Variants in APBB2 observed in about 807,000 individuals in gnomAD.
APBB2 encodes Fe65-like 1.
In APBB2, 38 loss-of-function variants were observed where a neutral mutation model predicts 82.5. That is an observed-to-expected ratio of 0.46 (90% CI 0.36 to 0.60). APBB2 has a LOEUF of 0.60. Among genes scored for constraint, APBB2 ranks in the 20% least tolerant of loss-of-function variants. APBB2 has a pLI of 0.00. For missense variants in APBB2, 772 were observed against 972.3 expected, an observed-to-expected ratio of 0.79 and a Z score of 2.74; for synonymous variants, 341 against 368.2, an observed-to-expected ratio of 0.93 and a Z score of 0.85.
chr4:40,826,139 T>A lies in APBB2; in HGVS notation c.1733-169A>T. On this transcript the variant is annotated intron_variant, in intron 14 of 17. Transcript: ENST00000508593. This position sits in a 1 kb window ranked among gnomAD's most constrained non-coding sequence, Gnocchi z 4.5. ...TCTACAAGAGCAGCATTACTCCAGATATTGGGGCTCTGTTAAAATCCTGTT... is the reference window on the plus strand; with the variant it reads ...TCTACAAGAGCAGCATTACTCCAGAAATTGGGGCTCTGTTAAAATCCTGTT... The A allele has an allele frequency of 4.9e-6, 3 of 608,460 alleles. No individual in the cohort carries two copies. In the South Asian group the frequency reaches 5.7e-5, roughly 12 times the overall value. 37.7% of individuals were successfully genotyped at this position (608,460 alleles called of 1,614,324 possible). A position where few individuals can be genotyped will look rare whatever the true frequency, so the allele number is the denominator to read the frequency against.
At chr4:41,146,878 C>T (rs746883804) in intron 1 of APBB2, among the ~76,000 whole-genome samples, 2 of 152,298 alleles carry the variant, frequency 1.3e-5, no homozygotes, top group East Asian at 1.9e-4. Context: ...AGCCGCGGCC[C>T]GGGCTGATGT....
intron 6 of APBB2, among the ~76,000 whole-genome samples, chr4:40,970,415 C>T (rs969280358): frequency 6.6e-6 from 1 of 152,158 alleles, no homozygotes; most frequent in Non-Finnish European, 1.5e-5. Context: ...TCAATTTCCT[C>T]ATTTTTTCCA....
intron 10 of APBB2, among the ~76,000 whole-genome samples, chr4:40,901,886 A>T (rs1160814221): frequency 6.7e-6 from 1 of 148,786 alleles, no homozygotes; most frequent in East Asian, 1.9e-4. Context: ...AGTTCTAAAC[A>T]CCCTGAAAAT....
intron 6 of APBB2, among the ~76,000 whole-genome samples, chr4:40,983,797 G>A (rs1049035739): frequency 3.9e-5 from 6 of 152,124 alleles, no homozygotes; most frequent in Non-Finnish European, 8.8e-5. Flanking sequence ...AGCTGGTCTC[G>A]AAATCCTGAA....
intron 10 of APBB2, among the ~76,000 whole-genome samples, chr4:40,898,887 C>A (rs1414051256): frequency 7.3e-6 from 1 of 137,760 alleles, no homozygotes; most frequent in African/African-American, 3.0e-5. Context: ...ACACAGAACA[C>A]TGGGCCCCTT....
At chr4:41,021,461 CA>C (rs1426404731) in intron 5 of APBB2, among the ~76,000 whole-genome samples, 1 of 152,060 alleles carries the variant, frequency 6.6e-6, no homozygotes, top group Non-Finnish European at 1.5e-5. Flanking sequence ...ATGCACCAAT[CA>C]GCACTCTGTG....
At chr4:40,906,449 G>C (rs1186678461) in intron 10 of APBB2, among the ~76,000 whole-genome samples, 1 of 110,016 alleles carries the variant, frequency 9.1e-6, no homozygotes, top group Non-Finnish European at 1.7e-5. Context: ...CTGGGTGACA[G>C]AGTGAAACCT....
intron 12 of APBB2, among the ~76,000 whole-genome samples, chr4:40,868,135 G>A (rs1417803908): frequency 1.3e-5 from 2 of 151,970 alleles, no homozygotes; most frequent in African/African-American, 2.4e-5. Flanking sequence ...TGGCATTACA[G>A]GGTGAGCCAC....
chr4:41,140,738 C>A (rs964100618), intron 2 of APBB2, among the ~76,000 whole-genome samples: 2 of 152,196 alleles, frequency 1.3e-5, no homozygotes, highest in African/African-American at 4.8e-5. Flanking sequence ...CCTGACAGAT[C>A]AGTGGCAGCA....
intron 3 of APBB2, 145 bp downstream of exon 3, chr4:41,100,494 A>G (rs1335079454): frequency 1.3e-5 from 2 of 152,102 alleles, no homozygotes; most frequent in African/African-American, 4.8e-5. Context: ...AGGTTTCCTG[A>G]GTCTCCTTCC....
At chr4:40,970,305 G>A (rs575591133) in intron 6 of APBB2, among the ~76,000 whole-genome samples, 75 of 152,222 alleles carry the variant, frequency 4.9e-4, no homozygotes, top group African/African-American at 1.7e-3. Context: ...TGACTTAAAC[G>A]TTTATGAACA....
At position 40,832,349 on chromosome 4, in the gene APBB2, G is replaced by A. The variant is rs1232050345; in HGVS notation, c.1530-1772C>T. On this transcript the variant is annotated intron_variant, in intron 12 of 17. Coordinates refer to ENST00000508593, the MANE Select transcript of APBB2 (RefSeq NM_004307.2). This position sits in a 1 kb window ranked among gnomAD's most constrained non-coding sequence, Gnocchi z 4.8. ...CATGCCCCAGGCAGCCCTGCAGTGGGGCTCCCTAAGCCCAGGCTCCAGCTC... is the reference window on the plus strand; with the variant it reads ...CATGCCCCAGGCAGCCCTGCAGTGGAGCTCCCTAAGCCCAGGCTCCAGCTC... 1.3e-5 allele frequency among the ~76,000 whole-genome samples: 2 copies of A among 152,078 alleles called. No individual in the cohort carries two copies. The highest frequency in any genetic ancestry group is 2.4e-5 in the African/African-American group (1 of 41,414).
chr4:40,960,443 TCG>T (rs1792808823), intron 6 of APBB2, among the ~76,000 whole-genome samples: 1 of 128,888 alleles, frequency 7.8e-6, no homozygotes, highest in Non-Finnish European at 1.7e-5. Flanking sequence ...AAATTTTTTT[TCG>T]GGTTTTTTTT....
intron 5 of APBB2, among the ~76,000 whole-genome samples, chr4:41,026,123 T>C (rs1714093810): frequency 6.6e-6 from 1 of 152,044 alleles, no homozygotes; most frequent in Non-Finnish European, 1.5e-5. Flanking sequence ...TTTTCTCTTA[T>C]AAGTGGGAGC....
intron 6 of APBB2, among the ~76,000 whole-genome samples, chr4:40,963,900 A>C (rs1369709069): frequency 6.6e-6 from 1 of 152,206 alleles, no homozygotes; most frequent in African/African-American, 2.4e-5. Context: ...TCTCTTTAGA[A>C]AATATTACAG....
At chr4:41,060,774 G>T (rs1729529337) in intron 4 of APBB2, among the ~76,000 whole-genome samples, 2 of 151,718 alleles carry the variant, frequency 1.3e-5, no homozygotes, top group South Asian at 4.2e-4. Flanking sequence ...ATTTTAGCGG[G>T]TTACCAAAAG....
intron 12 of APBB2, among the ~76,000 whole-genome samples, chr4:40,866,097 C>A (rs1343786734): frequency 1.3e-5 from 2 of 152,242 alleles, no homozygotes; most frequent in Non-Finnish European, 2.9e-5. Context: ...AGTGATCCCA[C>A]TCTTACGTAT....
At chr4:40,955,200 C>T (rs1791276360) in intron 6 of APBB2, among the ~76,000 whole-genome samples, 1 of 152,002 alleles carries the variant, frequency 6.6e-6, no homozygotes, top group Admixed American at 6.6e-5. Flanking sequence ...GTGAGGTCTC[C>T]CTAAAGTAGG....
At chr4:41,070,907 T>G (rs1275813277) in intron 3 of APBB2, among the ~76,000 whole-genome samples, 2 of 152,236 alleles carry the variant, frequency 1.3e-5, no homozygotes, top group African/African-American at 4.8e-5. Context: ...GGGAATATAT[T>G]TGCCAGTCTA....
Sources: allele counts gnomAD v4.1 joint callset (sites outside exome capture counted in the v4.1 genomes callset), GRCh38; gene constraint gnomAD v4.1.1; non-coding constraint Gnocchi (gnomAD v3.1); transcripts MANE v1.5; gene names NCBI Gene and HGNC (gene_info 2026-07-23, HGNC 2026-07-21).